Variants in ZMYM6 observed in about 807,000 individuals in gnomAD.
ZMYM6 encodes zinc finger MYM-type protein 6.
Under a neutral mutation model 134.0 loss-of-function variants are expected in ZMYM6, and 90 were observed. The ratio of observed to expected loss-of-function variants is 0.67; its 90% CI spans 0.57 to 0.80. ZMYM6 has a LOEUF of 0.80. ZMYM6 is among the 30% of genes least tolerant of loss of function. The probability of loss-of-function intolerance (pLI) is 0.00; values close to 1 mark genes in which losing one functional copy is unlikely to be tolerated. For missense variants in ZMYM6, 1,362 were observed against 1,533.9 expected, an observed-to-expected ratio of 0.89 and a Z score of 1.87; for synonymous variants, 481 against 524.1, an observed-to-expected ratio of 0.92 and a Z score of 1.12.
At position 35,030,606 on chromosome 1, in the gene ZMYM6, C is replaced by G; in HGVS notation, c.34G>C (p.Ala12Pro). The G allele has an allele frequency of 6.2e-7, 1 of 1,613,846 alleles. No individual in the cohort carries two copies. Among genetic ancestry groups the G allele is most frequent in the Non-Finnish European group, 8.5e-7 (1 of 1,180,010 alleles). Residue 12 changes from alanine to proline, a missense_variant, in exon 2 of 16, where the codon GCA becomes CCA. Coordinates refer to ENST00000357182, the MANE Select transcript of ZMYM6 (RefSeq NM_007167.4). ...KEPLDGECGK[A>P]VVPQQELLDK... Reference sequence around the variant, plus strand: ...AGAAGCTCCTGCTGTGGTACCACTGCTTTGCCACATTCACCATCCAAAGGT... The same window carrying G: ...AGAAGCTCCTGCTGTGGTACCACTGGTTTGCCACATTCACCATCCAAAGGT...
rs533330843 is a variant in ZMYM6 at position 35,013,038 on chromosome 1, T to A, written c.796-457A>T. The stretch of plus-strand genomic sequence containing the variant: ...TATATTAATAGAGATCCTACACAAC[T>A]ACCTATTTTTCAAGCTGAGTTTCAT... On this transcript the variant is annotated intron_variant, in intron 6 of 15. Transcript: ENST00000357182. The A allele has an allele frequency of 4.2e-6, 4 of 953,356 alleles. No individual in the cohort carries two copies. In the East Asian group the frequency reaches 4.6e-4, roughly 110 times the overall value. 59.1% of individuals were successfully genotyped at this position (953,356 alleles called of 1,614,324 possible).
At chr1:35,004,845 G>T (rs935631940) in intron 13 of ZMYM6, among the ~76,000 whole-genome samples, 3 of 151,932 alleles carry the variant, frequency 2.0e-5, no homozygotes, top group Non-Finnish European at 4.4e-5. Context: ...CTCACCTGAG[G>T]TCAGGAGTTT....
At position 34,987,839 on chromosome 1, in the gene ZMYM6, T is replaced by C; in HGVS notation, c.3243A>G (p.Arg1081=). Residue 1081 remains arginine, a synonymous_variant, in exon 16 of 16, where the codon AGA becomes AGG. Coordinates refer to ENST00000357182, the MANE Select transcript of ZMYM6 (RefSeq NM_007167.4). The stretch of plus-strand genomic sequence containing the variant: ...CAATCTCATGTCGTAATTCAAATAA[T>C]CTTTTTAACATTCTCCCTCTTGATA... ...RWISRGRMLK[R]LFELRHEIEI... is the part of the protein sequence containing the mutation. 1 of 1,551,012 alleles carries C rather than the reference T, an allele frequency of 6.4e-7. No homozygotes were observed. The highest frequency in any genetic ancestry group is 8.7e-7 in the Non-Finnish European group (1 of 1,146,764).
intron 6 of ZMYM6, 60 bp downstream of exon 6, chr1:35,014,637 C>A: frequency 6.5e-7 from 1 of 1,531,934 alleles, no homozygotes; most frequent in South Asian, 1.2e-5. Flanking sequence ...GTAGTTCATC[C>A]CTGTGCAGCC....
intron 14 of ZMYM6, among the ~76,000 whole-genome samples, chr1:35,002,355 T>C (rs769578661): frequency 6.6e-6 from 1 of 152,216 alleles, no homozygotes; most frequent in Non-Finnish European, 1.5e-5. Context: ...CAGATACAGC[T>C]TGCCAGTGCA....
At chr1:35,000,302 C>T (rs1371705773) in intron 14 of ZMYM6, among the ~76,000 whole-genome samples, 2 of 151,106 alleles carry the variant, frequency 1.3e-5, no homozygotes, top group Non-Finnish European at 2.9e-5. Flanking sequence ...TGCAGTGGTG[C>T]AATCAAGGCT....
At chr1:35,026,483 C>T (rs1172049051) in intron 2 of ZMYM6, among the ~76,000 whole-genome samples, 1 of 151,882 alleles carries the variant, frequency 6.6e-6, no homozygotes, top group African/African-American at 2.4e-5. Context: ...TAGTCTATAC[C>T]CTCAATCATG....
intron 1 of ZMYM6, chr1:35,031,215 A>T (rs1641517262): frequency 6.6e-6 from 1 of 152,298 alleles, no homozygotes; most frequent in Non-Finnish European, 1.5e-5. Flanking sequence ...TCAAGATGCC[A>T]TCCATCGCAG....
intron 2 of ZMYM6, among the ~76,000 whole-genome samples, chr1:35,023,388 T>C (rs1243049740): frequency 6.6e-6 from 1 of 152,104 alleles, no homozygotes; most frequent in East Asian, 1.9e-4. Context: ...AGTACAGGCG[T>C]GAGCCACTGC....
At chr1:35,021,619 CAA>C (rs879274435) in intron 2 of ZMYM6, among the ~76,000 whole-genome samples, 4 of 126,502 alleles carry the variant, frequency 3.2e-5, no homozygotes, top group Non-Finnish European at 3.4e-5. Flanking sequence ...GCCTCTGCCT[CAA>C]AAAAAAAAAG....
intron 2 of ZMYM6, among the ~76,000 whole-genome samples, chr1:35,027,386 T>A (rs1293480599): frequency 6.6e-6 from 1 of 151,794 alleles, no homozygotes; most frequent in Non-Finnish European, 1.5e-5. Flanking sequence ...CACTGTAGAG[T>A]GTTTTGATGG....
chr1:35,030,424 G>T, intron 2 of ZMYM6, 123 bp downstream of exon 2: 2 of 854,864 alleles, frequency 2.3e-6, no homozygotes, highest in Non-Finnish European at 3.6e-6. Flanking sequence ...GACAGCGAGA[G>T]CCTGTCTCAG....
In ZMYM6 at chr1:35,031,883, A is replaced by G. The variant is rs991219573; in HGVS notation, c.-143T>C. 2 of 152,284 alleles carry G rather than the reference A, an allele frequency of 1.3e-5. No homozygotes were observed. Among genetic ancestry groups the G allele is most frequent in the Non-Finnish European group, 2.9e-5 (2 of 68,116 alleles). 9.4% of individuals were successfully genotyped at this position (152,284 alleles called of 1,614,324 possible). ...CCAAGTCCTCTGCATCTAGACAGGG[A>G]TTATTTTCTCTTCTGGAATTCCGCC... On this transcript the variant is annotated 5_prime_UTR_variant, in exon 1 of 16. Coordinates refer to ENST00000357182, the MANE Select transcript of ZMYM6 (RefSeq NM_007167.4).
At chr1:35,004,231 G>A (rs1640926079) in intron 13 of ZMYM6, among the ~76,000 whole-genome samples, 1 of 152,106 alleles carries the variant, frequency 6.6e-6, no homozygotes, top group Admixed American at 6.6e-5. Context: ...GGCAGTAAAG[G>A]AGTAGGTATA....
chr1:35,000,899 T>C (rs1240139893), intron 14 of ZMYM6, among the ~76,000 whole-genome samples: 1 of 152,082 alleles, frequency 6.6e-6, no homozygotes, highest in Non-Finnish European at 1.5e-5. Flanking sequence ...TTCTGGATAG[T>C]GGGAATATCA....
Position 35,015,743 on chromosome 1 carries a change from A to AAATATATATAT in ZMYM6, c.429-582_429-581insATATATATATT. Among the ~76,000 whole-genome samples the AAATATATATAT allele has an allele frequency of 5.4e-4, 57 of 106,440 alleles. 1 individual carries two copies. The highest frequency in any genetic ancestry group is 3.2e-3 in the African/African-American group (48 of 15,144). 69.8% of individuals were successfully genotyped at this position (106,440 alleles called of 152,430 possible). On this transcript the variant is annotated intron_variant, in intron 4 of 15. Coordinates refer to ENST00000357182, the MANE Select transcript of ZMYM6 (RefSeq NM_007167.4). ...CATCTCAAAAAAAAAAAAAAAAAAA[A>AAATATATATAT]ATATATATATATATATATGTGGCCA...
At chr1:35,010,063 G>T (rs1641056864) in intron 10 of ZMYM6, among the ~76,000 whole-genome samples, 1 of 151,888 alleles carries the variant, frequency 6.6e-6, no homozygotes, top group South Asian at 2.1e-4. Flanking sequence ...AGGCTGCAGT[G>T]CAATGGCATG....
intron 14 of ZMYM6, among the ~76,000 whole-genome samples, chr1:34,992,703 T>TATTTATAA: frequency 7.2e-6 from 1 of 139,462 alleles, no homozygotes; most frequent in African/African-American, 2.8e-5. Flanking sequence ...AATAAAAATA[T>TATTTATAA]ACTTATAAAC....
intron 2 of ZMYM6, among the ~76,000 whole-genome samples, chr1:35,028,221 C>A (rs1358416149): frequency 1.3e-5 from 2 of 151,206 alleles, no homozygotes; most frequent in African/African-American, 4.9e-5. Context: ...GAGGCTGAGG[C>A]AGGAGAATCG....
Sources: allele counts gnomAD v4.1 joint callset (sites outside exome capture counted in the v4.1 genomes callset), GRCh38; gene constraint gnomAD v4.1.1; transcripts MANE v1.5; gene names NCBI Gene and HGNC (gene_info 2026-07-23, HGNC 2026-07-21).